Variants in PDE11A observed in about 807,000 individuals in gnomAD.
PDE11A encodes the protein dual 3',5'-cyclic-AMP and -GMP phosphodiesterase 11A.
A neutral mutation model predicts 100.5 loss-of-function variants in PDE11A; 100 were observed. The ratio of observed to expected loss-of-function variants is 1.00; its 90% CI spans 0.85 to 1.18. PDE11A has a LOEUF of 1.18. Ranked by LOEUF, PDE11A falls within the 50% of genes most tolerant of loss-of-function variation. The probability of loss-of-function intolerance (pLI) is 0.00; values close to 1 mark genes in which losing one functional copy is unlikely to be tolerated. For missense variants in PDE11A, 1,141 were observed against 1,152.6 expected (o/e 0.99, Z 0.15); for synonymous variants, 381 against 420.8 (o/e 0.91, Z 1.16).
intron 3 of PDE11A, among the ~76,000 whole-genome samples, chr2:177,904,164 T>C (rs781257154): frequency 1.3e-5 from 2 of 152,228 alleles, no homozygotes; most frequent in Non-Finnish European, 2.9e-5. Context: ...AGAATGAGTA[T>C]AATATAATTT....
At chr2:177,943,968 T>A (rs991328092) in intron 2 of PDE11A, among the ~76,000 whole-genome samples, 9 of 152,208 alleles carry the variant, frequency 5.9e-5, no homozygotes, top group African/African-American at 2.2e-4. Flanking sequence ...CAGCACAACT[T>A]ATTGATGGAG....
intron 1 of PDE11A, among the ~76,000 whole-genome samples, chr2:178,052,908 G>A (rs571463877): frequency 2.0e-5 from 3 of 152,264 alleles, no homozygotes; most frequent in Admixed American, 2.0e-4. Flanking sequence ...GGACCAGACG[G>A]ATTCACAGCC....
At chr2:177,731,608 A>G (rs1439104546) in intron 10 of PDE11A, among the ~76,000 whole-genome samples, 1 of 152,190 alleles carries the variant, frequency 6.6e-6, no homozygotes, top group Non-Finnish European at 1.5e-5. Context: ...CTCTCTCCAG[A>G]GGACAAGCCT....
intron 18 of PDE11A, among the ~76,000 whole-genome samples, chr2:177,665,725 T>G (rs2080566156): frequency 7.9e-5 from 12 of 151,424 alleles, no homozygotes; most frequent in Admixed American, 7.9e-4. Context: ...GGTGTGGTGG[T>G]GGGCACCTGT....
chr2:178,094,158 C>A (rs1045504231), intron 2 of PDE11A, among the ~76,000 whole-genome samples: 2 of 151,750 alleles, frequency 1.3e-5, no homozygotes, highest in Non-Finnish European at 2.9e-5. Flanking sequence ...AAAATACACA[C>A]AATACACACA....
At chr2:178,074,078 C>T (rs920094), upstream of PDE11A, among the ~76,000 whole-genome samples, 29,136 of 151,998 alleles carry the variant, frequency 0.19, 3,700 homozygotes, top group African/African-American at 0.36. Flanking sequence ...TGCTAGTACT[C>T]GAATGAAGCT....
At chr2:177,659,588 A>C (rs1003139553) in intron 19 of PDE11A, among the ~76,000 whole-genome samples, 2 of 152,132 alleles carry the variant, frequency 1.3e-5, no homozygotes, top group African/African-American at 4.8e-5. Flanking sequence ...ATTTATAATG[A>C]CTCTGCACCA....
chr2:177,872,802 A>T (rs780504667), intron 5 of PDE11A, among the ~76,000 whole-genome samples: 23 of 152,098 alleles, frequency 1.5e-4, no homozygotes, highest in Non-Finnish European at 2.2e-4. Context: ...TGTCCCTTCC[A>T]TGTCACTGGT....
At chr2:177,761,945 A>G (rs901124003) in intron 10 of PDE11A, among the ~76,000 whole-genome samples, 4 of 152,212 alleles carry the variant, frequency 2.6e-5, no homozygotes, top group Non-Finnish European at 2.9e-5. Context: ...AACCTACACC[A>G]ACAGAAGAGT....
rs896245186 is a variant in PDE11A at position 178,071,419 on chromosome 2, A to T, written c.912+107T>A. 5.8e-5 allele frequency: 81 copies of T among 1,401,574 alleles called. No individual in the cohort carries two copies. In the African/African-American group the frequency reaches 1.1e-3, roughly 19 times the overall value. 86.8% of individuals were successfully genotyped at this position (1,401,574 alleles called of 1,614,324 possible). ...CGGGAATTTAAATAGCAAAATTTGT[A>T]TTGTAAAGAGCCTAAATTAATGTGT... On this transcript the variant is annotated intron_variant, in intron 1 of 19. Transcript: ENST00000286063.
At chr2:177,845,814 C>T (rs929159481) in intron 5 of PDE11A, among the ~76,000 whole-genome samples, 4 of 152,230 alleles carry the variant, frequency 2.6e-5, no homozygotes, top group African/African-American at 9.6e-5. Flanking sequence ...GGATCACTTG[C>T]GGTTAGGGGC....
chr2:178,088,690 T>C lies in PDE11A; in HGVS notation c.162+15612A>G, dbSNP rs2087386911. ...TCAGTGTTCCTATATAATCATCCAATGGTCTACATATTTTTAAATATATTT... is the reference window on the plus strand; with the variant it reads ...TCAGTGTTCCTATATAATCATCCAACGGTCTACATATTTTTAAATATATTT... On this transcript the variant is annotated intron_variant, in intron 2 of 20. Transcript: ENST00000358450. 3.3e-5 allele frequency among the ~76,000 whole-genome samples: 5 copies of C among 152,244 alleles called. 1 individual carries two copies. The highest frequency in any genetic ancestry group is 1.3e-4 in the Admixed American group (2 of 15,290).
At chr2:177,738,628 C>A (rs974786663) in intron 10 of PDE11A, among the ~76,000 whole-genome samples, 3 of 152,290 alleles carry the variant, frequency 2.0e-5, no homozygotes, top group African/African-American at 4.8e-5. Flanking sequence ...TGGCTTCCTG[C>A]CTACATCAAC....
At chr2:178,036,686 C>T (rs755154534) in intron 1 of PDE11A, among the ~76,000 whole-genome samples, 14 of 151,818 alleles carry the variant, frequency 9.2e-5, no homozygotes, top group Non-Finnish European at 1.3e-4. Flanking sequence ...CATAGACCAA[C>T]GGAACGAAAG....
intron 15 of PDE11A, among the ~76,000 whole-genome samples, chr2:177,696,041 C>T (rs1159057445): frequency 2.0e-5 from 3 of 151,946 alleles, no homozygotes; most frequent in Non-Finnish European, 4.4e-5. Flanking sequence ...AAGGGTAATG[C>T]GTAGACTAGT....
At chr2:177,927,764 T>G (rs1220845093) in intron 2 of PDE11A, among the ~76,000 whole-genome samples, 1 of 152,200 alleles carries the variant, frequency 6.6e-6, no homozygotes, top group East Asian at 1.9e-4. Context: ...ACTTATTATT[T>G]AAAATACAAT....
Position 177,841,865 on chromosome 2 carries a change from A to C in PDE11A, c.1368-1482T>G, listed in dbSNP as rs148378214. 8.2e-3 allele frequency among the ~76,000 whole-genome samples: 1,242 copies of C among 151,902 alleles called. 16 individuals carry two copies. The highest frequency in any genetic ancestry group is 0.026 in the African/African-American group (1,081 of 41,214). On this transcript the variant is annotated intron_variant, in intron 5 of 19. Coordinates refer to ENST00000286063, the MANE Select transcript of PDE11A (RefSeq NM_016953.4). ...GACTGAGTACTTCAAAGAGAAGAAG[A>C]AGCTTTATTTTCTAAAACAAATCAA...
At chr2:178,072,781 T>C (rs908213996), upstream of PDE11A, 1 of 1,248,034 alleles carries the variant, frequency 8.0e-7, no homozygotes, top group African/African-American at 1.5e-5. Flanking sequence ...TGTAACCGGA[T>C]GAGTGGACCG....
intron 5 of PDE11A, among the ~76,000 whole-genome samples, chr2:177,853,904 GTATATATGTGCATATATATGTA>G (rs1178739145): frequency 1.4e-5 from 2 of 140,328 alleles, no homozygotes; most frequent in East Asian, 4.1e-4. Context: ...AGATATATAT[GTATATATGTGCATATATATGTA>G]TATATATGTG....
Sources: allele counts gnomAD v4.1 joint callset (sites outside exome capture counted in the v4.1 genomes callset), GRCh38; gene constraint gnomAD v4.1.1; transcripts MANE v1.5; gene names NCBI Gene and HGNC (gene_info 2026-07-23, HGNC 2026-07-21).